The following CES5A variants were observed in gnomAD, a reference collection of about 807,000 sequenced individuals.
The protein encoded by CES5A is carboxylesterase 5A, also known as carboxylesterase 5.
A neutral mutation model predicts 62.9 loss-of-function variants in CES5A; 67 were observed. That is an observed-to-expected ratio of 1.07 (90% CI 0.88 to 1.31). The LOEUF is 1.31. CES5A is among the 50% of genes most tolerant of loss of function. The probability of loss-of-function intolerance (pLI) is 0.00; values close to 1 mark genes in which losing one functional copy is unlikely to be tolerated. For missense variants in CES5A, 748 were observed against 708.5 expected (o/e 1.06, Z -0.63); for synonymous variants, 296 against 280.8 (o/e 1.05, Z -0.54).
intron 11 of CES5A, among the ~76,000 whole-genome samples, chr16:55,848,858 T>G (rs1284339261): frequency 5.3e-5 from 8 of 152,230 alleles, no homozygotes; most frequent in Non-Finnish European, 1.0e-4. Flanking sequence ...ATGGGGCTTA[T>G]TTTATTTAAT....
chr16:55,896,400 T>G (rs2033934763), intron 1 of CES5A, among the ~76,000 whole-genome samples: 1 of 152,204 alleles, frequency 6.6e-6, no homozygotes, highest in African/African-American at 2.4e-5. Context: ...TGTCTTCTCT[T>G]TGTACATGCC....
chr16:55,914,715 T>C (rs1386589888), intron 1 of CES5A, among the ~76,000 whole-genome samples: 1 of 152,140 alleles, frequency 6.6e-6, no homozygotes, highest in Non-Finnish European at 1.5e-5. Context: ...CAGGGAGGAA[T>C]TGCTGTCCCT....
chr16:55,917,289 C>A (rs532907183), intron 1 of CES5A, among the ~76,000 whole-genome samples: 1 of 152,344 alleles, frequency 6.6e-6, no homozygotes, highest in African/African-American at 2.4e-5. Flanking sequence ...TCACAAATTA[C>A]CCCCTAAATT....
At position 55,849,568 on chromosome 16, in the gene CES5A, G is replaced by A. The variant is rs76252759; in HGVS notation, c.1423+56C>T. The A allele has an allele frequency of 8.4e-3, 13,271 of 1,588,616 alleles. 550 individuals carry two copies. In the African/African-American group the frequency reaches 0.11, roughly 13 times the overall value. On this transcript the variant is annotated intron_variant, in intron 11 of 12. Coordinates refer to ENST00000290567, the MANE Select transcript of CES5A (RefSeq NM_001143685.2). ...CCGAAGTCCTCCAGGCGCTTGCATC[G>A]TGGTGGGGTAAGCAAGGGGCTTCAT...
intron 9 of CES5A, among the ~76,000 whole-genome samples, chr16:55,854,314 T>A (rs1398252069): frequency 1.4e-4 from 21 of 152,080 alleles, no homozygotes; most frequent in African/African-American, 5.1e-4. Context: ...CCCACTCTAC[T>A]TGAAATGTCC....
chr16:55,878,425 G>A (rs1160317757), upstream of CES5A, among the ~76,000 whole-genome samples: 4 of 151,976 alleles, frequency 2.6e-5, no homozygotes, highest in African/African-American at 7.3e-5. Context: ...GGAAGCCTTA[G>A]AGCTTCCATC....
upstream of CES5A, among the ~76,000 whole-genome samples, chr16:55,877,919 G>A (rs140997800): frequency 3.8e-4 from 58 of 152,300 alleles, no homozygotes; most frequent in East Asian, 9.5e-3. Flanking sequence ...TAGGAAAGGA[G>A]CGGCAATAGA....
At chr16:55,892,620 T>C (rs1220979612) in intron 1 of CES5A, among the ~76,000 whole-genome samples, 1 of 152,110 alleles carries the variant, frequency 6.6e-6, no homozygotes, top group Non-Finnish European at 1.5e-5. Flanking sequence ...TTTAATTAAA[T>C]TTTTTTCAAA....
chr16:55,908,580 G>A (rs190301847), intron 1 of CES5A, among the ~76,000 whole-genome samples: 4 of 152,200 alleles, frequency 2.6e-5, no homozygotes, highest in East Asian at 1.9e-4. Context: ...AACTGGTCTC[G>A]AACTCCTGAC....
At chr16:55,940,068 AC>A (rs1473789690) in intron 2 of CES5A, among the ~76,000 whole-genome samples, 68 of 152,152 alleles carry the variant, frequency 4.5e-4, no homozygotes, top group African/African-American at 1.6e-3. Flanking sequence ...AGAAAGAAAA[AC>A]AAAACTGAAA....
chr16:55,918,224 A>T (rs1194039743), intron 1 of CES5A, among the ~76,000 whole-genome samples: 2 of 152,212 alleles, frequency 1.3e-5, no homozygotes, highest in African/African-American at 2.4e-5. Flanking sequence ...GCATGGCTGC[A>T]GGCCCAGAGA....
chr16:55,937,404 C>T (rs1326177023), intron 2 of CES5A, among the ~76,000 whole-genome samples: 1 of 152,232 alleles, frequency 6.6e-6, no homozygotes, highest in Non-Finnish European at 1.5e-5. Flanking sequence ...GTGAGGCAGG[C>T]TTACCTAAAG....
intron 10 of CES5A, among the ~76,000 whole-genome samples, chr16:55,850,065 T>C: frequency 6.6e-6 from 1 of 152,246 alleles, no homozygotes; most frequent in African/African-American, 2.4e-5. Context: ...TTCAAGTCTT[T>C]TACCCATTAT....
chr16:55,921,524 T>A (rs1597150925), intron 1 of CES5A, among the ~76,000 whole-genome samples: 1 of 151,906 alleles, frequency 6.6e-6, no homozygotes, highest in African/African-American at 2.4e-5. Flanking sequence ...AAAGCTATTC[T>A]TCAAATATGA....
intron 4 of CES5A, among the ~76,000 whole-genome samples, chr16:55,867,174 G>A (rs1324063911): frequency 6.6e-6 from 1 of 152,148 alleles, no homozygotes; most frequent in African/African-American, 2.4e-5. Context: ...TTTCTCCACA[G>A]CAGCAGCTCA....
chr16:55,923,512 C>A (rs2034229462), intron 1 of CES5A, among the ~76,000 whole-genome samples: 1 of 151,596 alleles, frequency 6.6e-6, no homozygotes, highest in Admixed American at 6.6e-5. Context: ...ATAATGAGAT[C>A]AAAGCCATAA....
chr16:55,945,254 C>T (rs2034482068), intron 2 of CES5A, among the ~76,000 whole-genome samples: 1 of 152,090 alleles, frequency 6.6e-6, no homozygotes, highest in Non-Finnish European at 1.5e-5. Flanking sequence ...TTATTGAGCA[C>T]CTATTAGGGG....
rs773573357 is a variant in CES5A at position 55,846,426 on chromosome 16, A to G, written c.*25T>C. 1 of 1,589,362 alleles carries G rather than the reference A, an allele frequency of 6.3e-7. No homozygotes were observed. The highest frequency in any genetic ancestry group is 8.6e-7 in the Non-Finnish European group (1 of 1,159,088). On this transcript the variant is annotated 3_prime_UTR_variant, in exon 13 of 13. Transcript: ENST00000290567. ...GAGAAATTATGGGAGGAGAAGGGAA[A>G]CCAAAATCACAGAAAGATAACTTCT...
chr16:55,872,446 G>C (rs12597310), intron 2 of CES5A, among the ~76,000 whole-genome samples: 77,428 of 152,044 alleles, frequency 0.51, 22,166 homozygotes, highest in East Asian at 0.79. Context: ...TTGTCCTGAG[G>C]TTGTGCGTGT....
Sources: allele counts gnomAD v4.1 joint callset (sites outside exome capture counted in the v4.1 genomes callset), GRCh38; gene constraint gnomAD v4.1.1; transcripts MANE v1.5; gene names NCBI Gene and HGNC (gene_info 2026-07-23, HGNC 2026-07-21).